Variants in LRRC37A2 observed in about 807,000 individuals in gnomAD.
LRRC37A2 encodes leucine-rich repeat-containing protein 37A2.
In LRRC37A2, 9 loss-of-function variants were observed where a neutral mutation model predicts 68.8. That is an observed-to-expected ratio of 0.13 (90% CI 0.08 to 0.23). LRRC37A2 has a LOEUF of 0.23. Ranked by LOEUF, LRRC37A2 falls within the 10% of genes least tolerant of loss-of-function variation. LRRC37A2 has a pLI of 1.00. For missense variants in LRRC37A2, 168 were observed against 950.4 expected, an observed-to-expected ratio of 0.18 and a Z score of 10.82; for synonymous variants, 63 against 367.6, an observed-to-expected ratio of 0.17 and a Z score of 9.48.
At chr17:47,036,574 C>T in the LRRC37A2 span, among the ~76,000 whole-genome samples, 1 of 151,420 alleles carries the variant, frequency 6.6e-6, no homozygotes, top group African/African-American at 2.4e-5. Flanking sequence ...TCAGTTGTTC[C>T]AGCACCATTT....
At chr17:46,970,766 T>C in the LRRC37A2 span, among the ~76,000 whole-genome samples, 2 of 152,294 alleles carry the variant, frequency 1.3e-5, no homozygotes, top group East Asian at 3.9e-4. Flanking sequence ...GAGAACCAGG[T>C]ACAAGCCTGA....
chr17:46,862,942 G>T, the LRRC37A2 span, among the ~76,000 whole-genome samples: 2 of 152,244 alleles, frequency 1.3e-5, no homozygotes, highest in African/African-American at 4.8e-5. Context: ...CTCGCTGGGT[G>T]TCACCAGGCT....
chr17:47,020,593 C>T, the LRRC37A2 span, among the ~76,000 whole-genome samples: 3 of 150,306 alleles, frequency 2.0e-5, no homozygotes, highest in Admixed American at 6.6e-5. Flanking sequence ...TCCTGGCTAA[C>T]ATGGTGAAAC....
chr17:46,710,547 A>G, the LRRC37A2 span, among the ~76,000 whole-genome samples: 1 of 152,234 alleles, frequency 6.6e-6, no homozygotes, highest in Non-Finnish European at 1.5e-5. Context: ...ATGTTAATCC[A>G]TAGCACCTGC....
the LRRC37A2 span, among the ~76,000 whole-genome samples, chr17:46,690,580 C>T: frequency 1.0e-5 from 1 of 99,438 alleles, no homozygotes; most frequent in Non-Finnish European, 2.0e-5. Context: ...CCACTGCACT[C>T]CAGCCTGGGC....
the LRRC37A2 span, chr17:46,769,709 G>A: frequency 6.3e-7 from 1 of 1,581,318 alleles, no homozygotes; most frequent in South Asian, 1.1e-5. Context: ...GGGGTGAGGT[G>A]GGGGCCAGGG....
the LRRC37A2 span, chr17:46,978,948 G>T: frequency 6.9e-7 from 1 of 1,454,590 alleles, no homozygotes; most frequent in Non-Finnish European, 9.0e-7. Flanking sequence ...CGGCCCCGGC[G>T]CCGCCGCCCA....
chr17:46,999,998 C>G, the LRRC37A2 span, among the ~76,000 whole-genome samples: 3 of 48,424 alleles, frequency 6.2e-5, no homozygotes, highest in African/African-American at 2.2e-4. Flanking sequence ...GACTCCATCT[C>G]AAAATAAAAT....
the LRRC37A2 span, among the ~76,000 whole-genome samples, chr17:46,790,852 A>G: frequency 6.6e-6 from 1 of 152,198 alleles, no homozygotes; most frequent in African/African-American, 2.4e-5. Context: ...TGTGCGTTCC[A>G]AAACACACGC....
At chr17:46,818,468 C>T in the LRRC37A2 span, 3 of 1,559,440 alleles carry the variant, frequency 1.9e-6, no homozygotes, top group Non-Finnish European at 2.6e-6. Context: ...CCACCTTCCC[C>T]GGACGCGGCG....
At chr17:46,994,628 G>A in the LRRC37A2 span, among the ~76,000 whole-genome samples, 1 of 152,054 alleles carries the variant, frequency 6.6e-6, no homozygotes, top group East Asian at 1.9e-4. Flanking sequence ...AAAAGAAGCT[G>A]TCATCAGCCA....
the LRRC37A2 span, among the ~76,000 whole-genome samples, chr17:46,882,897 G>T: frequency 2.0e-4 from 31 of 152,184 alleles, no homozygotes; most frequent in East Asian, 5.8e-3. Context: ...CTCTGTGCAG[G>T]CTCCACCCCA....
At chr17:46,756,514 G>GAT in the LRRC37A2 span, 1 of 152,208 alleles carries the variant, frequency 6.6e-6, no homozygotes, top group South Asian at 2.1e-4. Context: ...TGTGGTAAGA[G>GAT]ATATGCTCAT....
chr17:46,703,705 C>A, the LRRC37A2 span, among the ~76,000 whole-genome samples: 4,846 of 110,234 alleles, frequency 0.044, 4 homozygotes, highest in Non-Finnish European at 0.061. Context: ...AAAAAAAAAA[C>A]AAAAAACAGA....
At chr17:46,987,517 G>C in the LRRC37A2 span, among the ~76,000 whole-genome samples, 1 of 152,200 alleles carries the variant, frequency 6.6e-6, no homozygotes, top group Admixed American at 6.5e-5. Flanking sequence ...GGAAAATGGT[G>C]AAGACTCTTG....
chr17:46,932,523 A>G, the LRRC37A2 span: 1 of 562,842 alleles, frequency 1.8e-6, no homozygotes, highest in Admixed American at 3.3e-5. Context: ...ATAGAGACAG[A>G]TGATTAGAAC....
the LRRC37A2 span, among the ~76,000 whole-genome samples, chr17:46,494,216 G>A: frequency 6.6e-6 from 1 of 151,018 alleles, no homozygotes; most frequent in Non-Finnish European, 1.5e-5. Flanking sequence ...GCTGTGTGAT[G>A]TTCATACATT....
chr17:46,731,114 C>T, the LRRC37A2 span, among the ~76,000 whole-genome samples: 1 of 151,952 alleles, frequency 6.6e-6, no homozygotes, highest in Admixed American at 6.6e-5. Flanking sequence ...AAACATTTAT[C>T]TGATAAAATC....
chr17:46,811,628 C>T, the LRRC37A2 span, among the ~76,000 whole-genome samples: 5 of 152,188 alleles, frequency 3.3e-5, no homozygotes, highest in South Asian at 2.1e-4. Context: ...ACAGGGTGCC[C>T]GAAGGAGAGC....
Sources: allele counts gnomAD v4.1 joint callset (sites outside exome capture counted in the v4.1 genomes callset), GRCh38; gene constraint gnomAD v4.1.1; transcripts MANE v1.5; gene names NCBI Gene and HGNC (gene_info 2026-07-23, HGNC 2026-07-21).